Variants in RTL4 observed in about 807,000 individuals in gnomAD.
The protein encoded by RTL4 is retrotransposon Gag like 4.
A neutral mutation model predicts 5.3 loss-of-function variants in RTL4; 4 were observed. The observed-to-expected ratio is 0.75, with a 90% CI of 0.37 to 1.72. The LOEUF (loss-of-function observed/expected upper bound fraction) is 1.72, where lower values mean the gene tolerates loss of function less well. Ranked by LOEUF, RTL4 falls within the 40% of genes most tolerant of loss-of-function variation. RTL4 has a pLI of 0.04. For missense variants in RTL4, 260 were observed against 227.1 expected, an observed-to-expected ratio of 1.14 and a Z score of -0.93; for synonymous variants, 98 against 87.3, an observed-to-expected ratio of 1.12 and a Z score of -0.68.
chrX:112,153,225 T>C, the RTL4 span, among the ~76,000 whole-genome samples: 4 of 112,028 alleles, frequency 3.6e-5, no homozygotes, highest in East Asian at 1.1e-3. Flanking sequence ...TGAGAAATTA[T>C]GTTCTCCATG....
the RTL4 span, among the ~76,000 whole-genome samples, chrX:112,441,872 A>G: frequency 8.9e-6 from 1 of 112,289 alleles, no homozygotes; most frequent in Non-Finnish European, 1.9e-5. Context: ...CACTGGAAAT[A>G]ACTCAGCTGT....
chrX:112,097,007 G>A, the RTL4 span, among the ~76,000 whole-genome samples: 1 of 112,087 alleles, frequency 8.9e-6, no homozygotes, highest in African/African-American at 3.2e-5. Context: ...GCCTTTATTG[G>A]GAAATTGGGA....
the RTL4 span, among the ~76,000 whole-genome samples, chrX:112,310,036 C>T: frequency 2.9e-5 from 3 of 104,930 alleles, no homozygotes; most frequent in South Asian, 4.5e-4. Context: ...GCCTGGTAAA[C>T]GAAGTGAGAT....
At chrX:112,146,180 G>A in the RTL4 span, among the ~76,000 whole-genome samples, 1 of 111,437 alleles carries the variant, frequency 9.0e-6, no homozygotes, top group Non-Finnish European at 1.9e-5. Context: ...TGAGAATTAG[G>A]CAAATTTGTG....
chrX:112,113,951 G>A, the RTL4 span, among the ~76,000 whole-genome samples: 27 of 111,157 alleles, frequency 2.4e-4, no homozygotes, highest in Non-Finnish European at 3.8e-4. Context: ...ATAGAACACC[G>A]AGGTTGCCAG....
the RTL4 span, among the ~76,000 whole-genome samples, chrX:112,305,615 C>T: frequency 1.3e-4 from 14 of 111,384 alleles, no homozygotes; most frequent in African/African-American, 3.9e-4. Flanking sequence ...CTGCCCGTCT[C>T]GGCCTCTCAA....
the RTL4 span, among the ~76,000 whole-genome samples, chrX:112,316,745 C>T: frequency 1.8e-5 from 2 of 111,778 alleles, no homozygotes; most frequent in African/African-American, 6.5e-5. Flanking sequence ...CCACTTCTCC[C>T]AACCAGAGAA....
chrX:112,168,947 C>CTTTCTTTCTTTCTT, the RTL4 span, among the ~76,000 whole-genome samples: 8 of 100,852 alleles, frequency 7.9e-5, no homozygotes, highest in African/African-American at 2.1e-4. Context: ...CTTTTTCTTT[C>CTTTCTTTCTTTCTT]TTTCTTTCTT....
the RTL4 span, among the ~76,000 whole-genome samples, chrX:112,263,200 T>TAA: frequency 0.17 from 14,288 of 86,424 alleles, 945 homozygotes; most frequent in Non-Finnish European, 0.19. Context: ...ACTTAAAGTA[T>TAA]AAAAAAAAAA....
the RTL4 span, among the ~76,000 whole-genome samples, chrX:112,362,445 A>G: frequency 9.0e-6 from 1 of 111,669 alleles, no homozygotes; most frequent in South Asian, 3.8e-4. Flanking sequence ...TTTTACAATT[A>G]ATGGTTAAAG....
the RTL4 span, among the ~76,000 whole-genome samples, chrX:112,381,018 C>T: frequency 9.0e-6 from 1 of 111,021 alleles, no homozygotes; most frequent in African/African-American, 3.3e-5. Context: ...ATTCGGTAGC[C>T]GAGGCGGTTA....
the RTL4 span, among the ~76,000 whole-genome samples, chrX:112,355,990 A>C: frequency 9.0e-6 from 1 of 111,401 alleles, no homozygotes; most frequent in Non-Finnish European, 1.9e-5. Context: ...TCTCAGACAT[A>C]ATCCCCTAAG....
chrX:112,336,032 A>T, the RTL4 span, among the ~76,000 whole-genome samples: 1 of 109,636 alleles, frequency 9.1e-6, no homozygotes, highest in Non-Finnish European at 1.9e-5. Flanking sequence ...TTTAGTAGAG[A>T]CGGGGTTTCA....
chrX:112,365,705 T>A, the RTL4 span, among the ~76,000 whole-genome samples: 1 of 111,452 alleles, frequency 9.0e-6, no homozygotes, highest in African/African-American at 3.3e-5. Context: ...TTGACCTAGA[T>A]CTTCTGCCTT....
chrX:112,340,733 T>C, the RTL4 span, among the ~76,000 whole-genome samples: 3 of 110,733 alleles, frequency 2.7e-5, no homozygotes, highest in Non-Finnish European at 5.7e-5. Flanking sequence ...TATTTTATTT[T>C]TGAGACAGGG....
the RTL4 span, among the ~76,000 whole-genome samples, chrX:112,250,278 CAA>C: frequency 1.5e-5 from 1 of 68,250 alleles, no homozygotes; most frequent in Non-Finnish European, 2.9e-5. Context: ...GACTCTGTCT[CAA>C]AAAAAAAAAA....
At chrX:112,212,338 T>C in the RTL4 span, among the ~76,000 whole-genome samples, 2 of 111,350 alleles carry the variant, frequency 1.8e-5, no homozygotes, top group African/African-American at 6.5e-5. Flanking sequence ...GACGCGCCAC[T>C]GCACTCCAGC....
the RTL4 span, among the ~76,000 whole-genome samples, chrX:112,275,530 T>C: frequency 4.5e-5 from 5 of 112,254 alleles, no homozygotes; most frequent in East Asian, 1.4e-3. Flanking sequence ...TGTAACCTTA[T>C]GCGAGTTACT....
chrX:112,156,072 T>C, the RTL4 span, among the ~76,000 whole-genome samples: 3 of 112,062 alleles, frequency 2.7e-5, no homozygotes, highest in African/African-American at 9.7e-5. Flanking sequence ...CAAGGAATCA[T>C]TGTGGGATCA....
Sources: gnomAD v4.1 joint callset for allele counts (sites outside exome capture counted in the v4.1 genomes callset) on GRCh38, gnomAD v4.1.1 for gene constraint, MANE v1.5 for transcripts, NCBI Gene and HGNC (gene_info 2026-07-23, HGNC 2026-07-21) for gene names.